Variants in AXL observed in about 807,000 individuals in gnomAD.
AXL encodes the protein AXL receptor tyrosine kinase.
A neutral mutation model predicts 104.5 loss-of-function variants in AXL; 52 were observed. The observed-to-expected ratio is 0.50, with a 90% CI of 0.40 to 0.63. AXL has a LOEUF of 0.63. AXL is among the 20% of genes least tolerant of loss of function. The probability of loss-of-function intolerance (pLI) is 0.00; values close to 1 mark genes in which losing one functional copy is unlikely to be tolerated. For missense variants in AXL, 1,024 were observed against 1,188.5 expected (o/e 0.86, Z 2.04); for synonymous variants, 455 against 473.7 (o/e 0.96, Z 0.51).
chr19:41,246,725 T>C (rs1301361557), intron 12 of AXL, among the ~76,000 whole-genome samples: 1 of 151,970 alleles, frequency 6.6e-6, no homozygotes, highest in Non-Finnish European at 1.5e-5. Context: ...AAAAAAAATT[T>C]TTTTATTTTT....
chr19:41,237,085 T>C (rs1171542032), intron 6 of AXL, among the ~76,000 whole-genome samples: 1 of 152,172 alleles, frequency 6.6e-6, no homozygotes, highest in Non-Finnish European at 1.5e-5. Context: ...ATATTCACCA[T>C]GTAACCACCA....
Position 41,256,516 on chromosome 19 carries a change from G to A in AXL, c.2101G>A (p.Asp701Asn), listed in dbSNP as rs2122289609. 6.2e-7 allele frequency: 1 copy of A among 1,614,216 alleles called. No individual in the cohort carries two copies. The highest frequency in any genetic ancestry group is 8.5e-7 in the Non-Finnish European group (1 of 1,180,038). The change falls in exon 18 of 20, where the codon GAC (aspartate) becomes AAC (asparagine). Residue 701 changes from aspartate to asparagine, a missense_variant. Asp to Asn is a conservative substitution (Grantham distance 23). Around this residue, in one of 5 missense-constraint regions of AXL, gnomAD observed 523 missense variants for 636.0 expected, o/e 0.82. Coordinates refer to ENST00000301178, the MANE Select transcript of AXL (RefSeq NM_021913.5). ...GCTCTCCAAGAAGATCTACAATGGG[G>A]ACTACTACCGCCAGGGACGTATCGC... ...FGLSKKIYNG[D>N]YYRQGRIAKM...
rs1391838212 is a variant in AXL, at chr19:41,257,580, C to T, written c.2284C>T (p.Leu762=). ...GGAGAACAGCGAGATTTATGACTAT[C>T]TGCGCCAGGGAAATCGCCTGAAGCA... ...GVENSEIYDY[L]RQGNRLKQPA... is the part of the protein sequence containing the mutation. The change falls in exon 19 of 20, where the codon CTG becomes TTG. Residue 762 remains leucine, a synonymous_variant. Transcript: ENST00000301178. 1 of 1,614,228 alleles carries T rather than the reference C, an allele frequency of 6.2e-7. No homozygotes were observed. Among genetic ancestry groups the T allele is most frequent in the East Asian group, 2.2e-5 (1 of 44,884 alleles).
rs1300309877 is a variant in AXL, at chr19:41,257,552, C to A, written c.2256C>A (p.Gly752=). The A allele has an allele frequency of 9.9e-6, 16 of 1,614,156 alleles. No homozygotes were observed. The highest frequency in any genetic ancestry group is 1.4e-5 in the Non-Finnish European group (16 of 1,180,028). The change falls in exon 19 of 20, where the codon GGC becomes GGA. Residue 752 remains glycine (G), a synonymous_variant. Coordinates refer to ENST00000301178, the MANE Select transcript of AXL (RefSeq NM_021913.5). ...CAAGAGGCCAAACCCCATATCCGGG[C>A]GTGGAGAACAGCGAGATTTATGACT... ...IATRGQTPYP[G]VENSEIYDYL...
In AXL at chr19:41,220,626, TC is replaced by T. The variant is rs749915611; in HGVS notation, c.86-6del. ...GGTTCCTAAGCTAACTCTTCCCATC[TC>T]CCCTCCAGGCACGCAGGCTGAAGAA... On this transcript the variant is annotated splice_polypyrimidine_tract_variant and intron_variant, in intron 1 of 19. Transcript: ENST00000301178. 55 of 1,557,242 alleles carry T rather than the reference TC, an allele frequency of 3.5e-5. No individual in the cohort carries two copies. The Admixed American group carries it at 8.4e-4, about 24-fold the overall frequency.
In AXL at chr19:41,248,738, C is replaced by T. The variant is rs746779926; in HGVS notation, c.1634-5C>T. The T allele has an allele frequency of 1.1e-4, 181 of 1,613,970 alleles. 1 individual carries two copies. The highest frequency in any genetic ancestry group is 1.5e-4 in the Non-Finnish European group (177 of 1,180,020). ...AGGTCAGTGTCTCCCTCTGGCCCCC[C>T]ACAGGAGAGTTTGGAGCTGTGATGG... On this transcript the variant is annotated splice_region_variant and splice_polypyrimidine_tract_variant and intron_variant, in intron 13 of 19. Coordinates refer to ENST00000301178, the MANE Select transcript of AXL (RefSeq NM_021913.5).
intron 11 of AXL, 142 bp downstream of exon 11, chr19:41,243,157 G>A (rs1237328342): frequency 4.9e-5 from 61 of 1,243,250 alleles, no homozygotes; most frequent in Non-Finnish European, 6.3e-5. Flanking sequence ...GGTGGCTCAC[G>A]CCTGTAATCC....
In AXL at chr19:41,259,959, G is replaced by A; in HGVS notation, c.*55G>A. 1 of 1,452,506 alleles carries A rather than the reference G, an allele frequency of 6.9e-7. No homozygotes were observed. Among genetic ancestry groups the A allele is most frequent in the Non-Finnish European group, 9.2e-7 (1 of 1,084,022 alleles). The allele number at this position is 1,452,506 out of a possible 1,614,324, so 90.0% of individuals were successfully genotyped here. ...GGATCCAAGCTAAGCACTGCCACTG[G>A]GGAAAACTCCACCTTCCCACTTTCC... On this transcript the variant is annotated 3_prime_UTR_variant, in exon 20 of 20. Transcript: ENST00000301178.
intron 4 of AXL, among the ~76,000 whole-genome samples, chr19:41,227,179 T>C (rs1350321759): frequency 6.6e-6 from 1 of 152,144 alleles, no homozygotes; most frequent in Non-Finnish European, 1.5e-5. Context: ...GGGGTGTCTA[T>C]GTTTCTACGT....
rs550455192 is a variant in AXL at position 41,220,739 on chromosome 19, G to A, written c.189G>A (p.Glu63=). 3 of 1,614,150 alleles carry A rather than the reference G, an allele frequency of 1.9e-6. No homozygotes were observed. The highest frequency in any genetic ancestry group is 4.5e-5 in the East Asian group (2 of 44,870). The change falls in exon 2 of 20, where the codon GAG becomes GAA. Residue 63 remains glutamate (E), a synonymous_variant. Transcript: ENST00000301178. ...TLRCQLQVQG[E]PPEVHWLRDG... is the part of the protein sequence containing the mutation. ...GGTGTCAGCTCCAGGTTCAGGGAGA[G>A]CCCCCCGAGGTACATTGGCTTCGGG...
intron 12 of AXL, among the ~76,000 whole-genome samples, chr19:41,246,740 A>G (rs1481690672): frequency 1.3e-5 from 2 of 152,052 alleles, no homozygotes; most frequent in African/African-American, 2.4e-5. Context: ...ATTTTTTTAG[A>G]GATGGGGTCT....
chr19:41,240,095 A>G (rs189220834), intron 10 of AXL, among the ~76,000 whole-genome samples: 1,942 of 149,782 alleles, frequency 0.013, 24 homozygotes, highest in Non-Finnish European at 0.02. Context: ...GGATGGATGG[A>G]TGGGTGGATA....
intron 2 of AXL, 89 bp from the exon 3 acceptor site, chr19:41,221,057 A>G (rs1324070554): frequency 7.6e-7 from 1 of 1,318,492 alleles, no homozygotes; most frequent in Non-Finnish European, 1.1e-6. Context: ...GAGCTTCCAG[A>G]CTGGACACCC....
intron 4 of AXL, among the ~76,000 whole-genome samples, chr19:41,229,459 C>A (rs1040368014): frequency 3.9e-4 from 58 of 150,160 alleles, no homozygotes; most frequent in African/African-American, 1.4e-3. Flanking sequence ...GAGATGGGGT[C>A]TCACCACGTT....
intron 8 of AXL, 22 bp from the exon 9 acceptor site, chr19:41,239,142 A>G (rs2122237069): frequency 6.2e-7 from 1 of 1,612,666 alleles, no homozygotes; most frequent in South Asian, 1.1e-5. Context: ...TTCTACCCTG[A>G]TGCCACTTCT....
In AXL at chr19:41,232,567, G is replaced by C. The variant is rs2034009668; in HGVS notation, c.783+1269G>C. On this transcript the variant is annotated intron_variant, in intron 6 of 19. Transcript: ENST00000301178. The stretch of plus-strand genomic sequence containing the variant: ...GAACCCTGGAGGCAGAGGTTGCAGT[G>C]AGCCGAGATCGTGCCATTGCACTCC... 2.0e-5 allele frequency among the ~76,000 whole-genome samples: 3 copies of C among 151,896 alleles called. No homozygotes were observed. The South Asian group carries it at 6.2e-4, about 31-fold the overall frequency.
At chr19:41,245,899 C>T (rs761019930) in intron 12 of AXL, among the ~76,000 whole-genome samples, 1 of 152,066 alleles carries the variant, frequency 6.6e-6, no homozygotes, top group Non-Finnish European at 1.5e-5. Flanking sequence ...CAACGATGTC[C>T]CAGTGATTTA....
intron 9 of AXL, 56 bp downstream of exon 9, chr19:41,239,370 G>A: frequency 6.5e-7 from 1 of 1,532,938 alleles, no homozygotes; most frequent in East Asian, 2.3e-5. Context: ...TGACAGCCCT[G>A]ACTTACTCCT....
intron 14 of AXL, among the ~76,000 whole-genome samples, chr19:41,251,173 C>T (rs2034355543): frequency 6.6e-6 from 1 of 152,192 alleles, no homozygotes. Flanking sequence ...GACAGTGGCT[C>T]ATGCCTGTAA....
Sources: gnomAD v4.1 joint callset for allele counts (sites outside exome capture counted in the v4.1 genomes callset) on GRCh38, gnomAD v4.1.1 for gene constraint, gnomAD v4.1.1 regional missense constraint, MANE v1.5 for transcripts, NCBI Gene and HGNC (gene_info 2026-07-23, HGNC 2026-07-21) for gene names.